The following DCC variants were observed in gnomAD, a reference collection of about 807,000 sequenced individuals.
The protein encoded by DCC is DCC netrin 1 receptor.
In DCC, 58 loss-of-function variants were observed where a neutral mutation model predicts 172.5. The observed-to-expected ratio is 0.34, with a 90% confidence interval of 0.27 to 0.42. DCC has a LOEUF of 0.42. Among genes scored for constraint, DCC ranks in the 10% least tolerant of loss-of-function variants. DCC has a pLI of 1.00. For missense variants in DCC, 1,740 were observed against 1,791.0 expected, an observed-to-expected ratio of 0.97 and a Z score of 0.51; for synonymous variants, 709 against 644.5, an observed-to-expected ratio of 1.10 and a Z score of -1.52.
chr18:53,414,479 C>T (rs1261750813), intron 20 of DCC, among the ~76,000 whole-genome samples: 1 of 152,118 alleles, frequency 6.6e-6, no homozygotes, highest in African/African-American at 2.4e-5. Flanking sequence ...GAATTGCATA[C>T]ATTAAATATG....
At chr18:53,418,440 A>G (rs1337685881) in intron 21 of DCC, among the ~76,000 whole-genome samples, 1 of 152,116 alleles carries the variant, frequency 6.6e-6, no homozygotes, top group East Asian at 1.9e-4. Flanking sequence ...GAACACAGCA[A>G]ATTAGTTGAA....
At chr18:53,314,126 T>C (rs143606924) in intron 13 of DCC, among the ~76,000 whole-genome samples, 341 of 152,246 alleles carry the variant, frequency 2.2e-3, no homozygotes, top group African/African-American at 7.8e-3. Flanking sequence ...AAATAGCTAT[T>C]AAAAGAGCCT....
chr18:53,023,578 A>T (rs2041915380), intron 5 of DCC, among the ~76,000 whole-genome samples: 1 of 152,034 alleles, frequency 6.6e-6, no homozygotes, highest in Non-Finnish European at 1.5e-5. Context: ...AACCTAAAAT[A>T]AAAGCTGGAG....
At chr18:53,134,242 A>G (rs1329869016) in intron 7 of DCC, among the ~76,000 whole-genome samples, 1 of 152,186 alleles carries the variant, frequency 6.6e-6, no homozygotes, top group Admixed American at 6.6e-5. Flanking sequence ...TGGAGAGTCA[A>G]TCCTGATAAA....
intron 5 of DCC, among the ~76,000 whole-genome samples, chr18:53,053,688 G>T (rs563391393): frequency 6.6e-6 from 1 of 152,104 alleles, no homozygotes; most frequent in Admixed American, 6.6e-5. Flanking sequence ...GGGAATACTA[G>T]AAAATATTTG....
In DCC at chr18:53,325,185, A is replaced by AGACTCCAT. The variant is rs545387556; in HGVS notation, c.2164+3029_2164+3036dup. On this transcript the variant is annotated intron_variant, in intron 14 of 28. Transcript: ENST00000442544. ...TCCAGCCTGTGAGACAGAGCAAGCA[A>AGACTCCAT]GACTCCATCTCAAAAAAAAAAAAAA... 4.9e-3 allele frequency among the ~76,000 whole-genome samples: 682 copies of AGACTCCAT among 139,256 alleles called. 3 individuals are homozygous for AGACTCCAT. The highest frequency in any genetic ancestry group is 8.9e-3 in the Non-Finnish European group (571 of 64,244). 91.4% of individuals were successfully genotyped at this position (139,256 alleles called of 152,430 possible). A position where few individuals can be genotyped will look rare whatever the true frequency, so the allele number is the denominator to read the frequency against.
intron 1 of DCC, among the ~76,000 whole-genome samples, chr18:52,541,873 G>GTATA (rs1286782640): frequency 6.7e-5 from 2 of 30,036 alleles, no homozygotes; most frequent in Admixed American, 3.9e-4. Context: ...ATGTGTGTGT[G>GTATA]TGTATATATA....
intron 2 of DCC, among the ~76,000 whole-genome samples, chr18:52,797,072 T>A (rs1376926525): frequency 6.6e-6 from 1 of 152,096 alleles, no homozygotes; most frequent in African/African-American, 2.4e-5. Context: ...TTGACACTTG[T>A]ATTTTTTTAT....
intron 2 of DCC, among the ~76,000 whole-genome samples, chr18:52,764,541 G>C (rs778390244): frequency 6.6e-6 from 1 of 152,156 alleles, no homozygotes. Context: ...GTTAAAAAGA[G>C]CCTGGTGTCT....
chr18:52,622,429 G>A (rs1182393033), intron 1 of DCC, among the ~76,000 whole-genome samples: 1 of 152,288 alleles, frequency 6.6e-6, no homozygotes, highest in East Asian at 1.9e-4. Flanking sequence ...TGGGTCCCAA[G>A]AATTTACTTT....
intron 7 of DCC, among the ~76,000 whole-genome samples, chr18:53,137,362 C>G (rs2043759628): frequency 6.6e-6 from 1 of 152,202 alleles, no homozygotes; most frequent in South Asian, 2.1e-4. Flanking sequence ...TCCTTGCTGA[C>G]TGATACCTGA....
At chr18:52,908,472 T>C (rs1486841152) in intron 3 of DCC, among the ~76,000 whole-genome samples, 3 of 152,192 alleles carry the variant, frequency 2.0e-5, no homozygotes, top group Non-Finnish European at 4.4e-5. Flanking sequence ...ATCTGTTGAG[T>C]ATATCAGATG....
At chr18:52,562,110 A>T (rs986087553) in intron 1 of DCC, among the ~76,000 whole-genome samples, 1 of 152,174 alleles carries the variant, frequency 6.6e-6, no homozygotes, top group Non-Finnish European at 1.5e-5. Context: ...GGAAATAAAC[A>T]CACCAAAAAT....
intron 2 of DCC, among the ~76,000 whole-genome samples, chr18:52,764,583 A>G (rs2037214037): frequency 6.6e-6 from 1 of 152,140 alleles, no homozygotes; most frequent in Non-Finnish European, 1.5e-5. Context: ...CTCTCTTATC[A>G]TGTGATGTCT....
At chr18:52,632,262 CG>C (rs754106917) in intron 1 of DCC, among the ~76,000 whole-genome samples, 60 of 152,142 alleles carry the variant, frequency 3.9e-4, no homozygotes, top group Middle Eastern at 3.4e-3. Flanking sequence ...TCAACTACAG[CG>C]TAAGTTCCAA....
At chr18:53,522,957 C>T (rs534998216) in intron 27 of DCC, among the ~76,000 whole-genome samples, 31 of 152,234 alleles carry the variant, frequency 2.0e-4, no homozygotes, top group African/African-American at 7.5e-4. Context: ...GCAAAAGAAA[C>T]TATCATCAGA....
At chr18:52,935,288 C>T (rs977562134) in intron 5 of DCC, among the ~76,000 whole-genome samples, 2 of 151,910 alleles carry the variant, frequency 1.3e-5, no homozygotes, top group Non-Finnish European at 2.9e-5. Flanking sequence ...TATTTTTGTT[C>T]GCTATCATCC....
Position 52,684,978 on chromosome 18 carries a change from T to A in DCC, c.92-67076T>A, listed in dbSNP as rs554298513. Among the ~76,000 whole-genome samples, 4 of 152,288 alleles carry A rather than the reference T, an allele frequency of 2.6e-5. No homozygotes were observed. The East Asian group carries it at 7.7e-4, about 29-fold the overall frequency. ...CTCAAAATCCTGATAGGTAGATGTG[T>A]GCTTCCAATTCCTATTTTTTTTACC... is the stretch of plus-strand genomic sequence containing the variant. On this transcript the variant is annotated intron_variant, in intron 1 of 28. Transcript: ENST00000442544.
At chr18:53,204,567 G>A (rs565790457) in intron 9 of DCC, among the ~76,000 whole-genome samples, 2 of 149,358 alleles carry the variant, frequency 1.3e-5, no homozygotes, top group Non-Finnish European at 3.0e-5. Context: ...AAAAAAAAGT[G>A]TTTTAGGTAA....
Sources: gnomAD v4.1 joint callset for allele counts (sites outside exome capture counted in the v4.1 genomes callset) on GRCh38, gnomAD v4.1.1 for gene constraint, MANE v1.5 for transcripts, NCBI Gene and HGNC (gene_info 2026-07-23, HGNC 2026-07-21) for gene names.